Variants in SOD2 observed in about 807,000 individuals in gnomAD.
SOD2 encodes the protein superoxide dismutase 2, also known as superoxide dismutase [Mn], mitochondrial.
A neutral mutation model predicts 27.0 loss-of-function variants in SOD2; 11 were observed. The ratio of observed to expected loss-of-function variants is 0.41; its 90% confidence interval spans 0.26 to 0.67. The LOEUF is 0.67. Ranked by LOEUF, SOD2 falls within the 30% of genes least tolerant of loss-of-function variation. The probability of loss-of-function intolerance (pLI) is 0.34; values close to 1 mark genes in which losing one functional copy is unlikely to be tolerated. For synonymous variants in SOD2, 105 were observed against 103.0 expected (o/e 1.02, Z -0.12); for missense variants, 250 against 274.5 (o/e 0.91, Z 0.63).
rs1393624308 is a variant in SOD2, at chr6:159,682,183, C to T, written c.*310G>A. ...CAATAGAATAGGACTAGAAAGGCAT[C>T]CCTACAAGTCCCCAAAGTATATGGA... On this transcript the variant is annotated 3_prime_UTR_variant, in exon 5 of 5. Coordinates refer to ENST00000538183, the MANE Select transcript of SOD2 (RefSeq NM_000636.4). 1 of 184,962 alleles carries T rather than the reference C, an allele frequency of 5.4e-6. No homozygotes were observed. Among genetic ancestry groups the T allele is most frequent in the Admixed American group, 6.2e-5 (1 of 16,248 alleles). The allele number at this position is 184,962 out of a possible 1,614,324, so 11.5% of individuals were successfully genotyped here. A position where few individuals can be genotyped will look rare whatever the true frequency, so the allele number is the denominator to read the frequency against.
At chr6:159,712,667 C>CT (rs1230619739) in intron 1 of SOD2, 1 of 321,084 alleles carries the variant, frequency 3.1e-6, no homozygotes, top group East Asian at 8.8e-5. Context: ...TCTGATCACC[C>CT]TAACCACCTC....
upstream of SOD2, chr6:159,693,267 T>G: frequency 8.6e-7 from 1 of 1,160,656 alleles, no homozygotes; most frequent in Non-Finnish European, 1.2e-6. Context: ...CCCGCGGGCC[T>G]TAAGAAAGCG....
At position 159,669,877 on chromosome 6, in the gene SOD2, T is replaced by C. The variant is rs989452461; in HGVS notation, c.*12616A>G. The C allele has an allele frequency of 5.3e-5, 8 of 152,112 alleles. No homozygotes were observed. Among genetic ancestry groups the C allele is most frequent in the African/African-American group, 1.9e-4 (8 of 41,408 alleles). 9.4% of individuals were successfully genotyped at this position (152,112 alleles called of 1,614,324 possible). A position where few individuals can be genotyped will look rare whatever the true frequency, so the allele number is the denominator to read the frequency against. ...TTCTTGTAGGCAGCATACAGTCGAG[T>C]CATGATGGTGGTTTTTAATCCATTC... is the stretch of plus-strand genomic sequence containing the variant. On this transcript the variant is annotated 3_prime_UTR_variant, in exon 5 of 5. Transcript: ENST00000538183.
intron 3 of SOD2, among the ~76,000 whole-genome samples, chr6:159,687,254 G>A (rs5746118): frequency 0.22 from 33,770 of 152,006 alleles, 3,991 homozygotes; most frequent in East Asian, 0.4. Flanking sequence ...GGAGGCCAAG[G>A]TGGGTGGATC....
At chr6:159,753,239 G>GT (rs1336958403) in intron 1 of SOD2, 2 of 568,128 alleles carry the variant, frequency 3.5e-6, no homozygotes, top group Non-Finnish European at 6.2e-6. Context: ...AGGTGTAGCT[G>GT]TTTGGGCACT....
At chr6:159,707,047 A>G (rs1408234644) in intron 1 of SOD2, among the ~76,000 whole-genome samples, 1 of 152,134 alleles carries the variant, frequency 6.6e-6, no homozygotes, top group Non-Finnish European at 1.5e-5. Flanking sequence ...GAAGACAGAA[A>G]TAAAGATGTT....
At chr6:159,688,638 C>G (rs113630280) in intron 2 of SOD2, among the ~76,000 whole-genome samples, 23 of 152,262 alleles carry the variant, frequency 1.5e-4, no homozygotes, top group African/African-American at 5.5e-4. Flanking sequence ...TGGGAAATAT[C>G]TCCAAGTCAC....
chr6:159,737,741 C>T (rs1438625417), intron 1 of SOD2, among the ~76,000 whole-genome samples: 2 of 152,180 alleles, frequency 1.3e-5, no homozygotes, highest in Non-Finnish European at 2.9e-5. Flanking sequence ...ATACTCCCGC[C>T]TCAGTCTCCC....
At chr6:159,694,316 T>C (rs966410740), upstream of SOD2, among the ~76,000 whole-genome samples, 6 of 151,960 alleles carry the variant, frequency 3.9e-5, no homozygotes, top group African/African-American at 1.5e-4. Flanking sequence ...TTGGCGGGAG[T>C]TGCCCCTTTA....
chr6:159,713,143 G>A, intron 1 of SOD2: 2 of 1,219,870 alleles, frequency 1.6e-6, no homozygotes, highest in Non-Finnish European at 2.3e-6. Context: ...GCCCTGTGGT[G>A]CTCTGGAAAC....
rs936250483 is a variant in SOD2, at chr6:159,681,227, C to G, written c.*1266G>C. On this transcript the variant is annotated 3_prime_UTR_variant, in exon 5 of 5. Coordinates refer to ENST00000538183, the MANE Select transcript of SOD2 (RefSeq NM_000636.4). Reference sequence around the variant, plus strand: ...AAGGAGAATCTTGAGTTTCCTTCACCGAAAACTCCAGGCACCCAGCTCGCC... The same window carrying G: ...AAGGAGAATCTTGAGTTTCCTTCACGGAAAACTCCAGGCACCCAGCTCGCC... 6.6e-6 allele frequency: 1 copy of G among 152,022 alleles called. No individual in the cohort carries two copies. The highest frequency in any genetic ancestry group is 2.1e-4 in the South Asian group (1 of 4,804). 9.4% of individuals were successfully genotyped at this position (152,022 alleles called of 1,614,324 possible). A position where few individuals can be genotyped will look rare whatever the true frequency, so the allele number is the denominator to read the frequency against.
At position 159,672,082 on chromosome 6, in the gene SOD2, T is replaced by C. The variant is rs1457644039; in HGVS notation, c.*10411A>G. On this transcript the variant is annotated 3_prime_UTR_variant, in exon 5 of 5. Transcript: ENST00000538183. ...AAACGAACAAAGCTTCCAAGAAATATGGGACTATGTGAAAAGACCAAATCT... is the reference window on the plus strand; with the variant it reads ...AAACGAACAAAGCTTCCAAGAAATACGGGACTATGTGAAAAGACCAAATCT... 1 of 152,132 alleles carries C rather than the reference T, an allele frequency of 6.6e-6. No individual in the cohort carries two copies. 9.4% of individuals were successfully genotyped at this position (152,132 alleles called of 1,614,324 possible).
intron 1 of SOD2, chr6:159,742,007 C>G (rs1779284141): frequency 8.7e-6 from 9 of 1,038,594 alleles, no homozygotes; most frequent in Non-Finnish European, 1.3e-5. Flanking sequence ...TTACTAAAAT[C>G]TGTGAGTTTA....
intron 1 of SOD2, among the ~76,000 whole-genome samples, chr6:159,704,505 C>T (rs868669001): frequency 2.0e-5 from 3 of 152,348 alleles, no homozygotes; most frequent in East Asian, 3.9e-4. Flanking sequence ...GAGGGTGCCA[C>T]GCCCATGGAG....
chr6:159,697,604 T>C (rs956089827), upstream of SOD2, among the ~76,000 whole-genome samples: 4 of 152,152 alleles, frequency 2.6e-5, no homozygotes, highest in African/African-American at 9.7e-5. Context: ...AGGGATAAAG[T>C]GGGCATGTGT....
chr6:159,731,431 G>A (rs1003946841), upstream of SOD2, among the ~76,000 whole-genome samples: 2 of 152,172 alleles, frequency 1.3e-5, no homozygotes, highest in Non-Finnish European at 2.9e-5. Context: ...TCGAGTCACT[G>A]CACTCCAGCC....
intron 1 of SOD2, among the ~76,000 whole-genome samples, chr6:159,758,420 TCAGGTGTATTGGATACAACTGACTACTC>T (rs1164075238): frequency 2.6e-5 from 4 of 152,238 alleles, no homozygotes; most frequent in African/African-American, 9.6e-5. Flanking sequence ...CCTTGGCTCC[TCAGGTGTATTGGATACAACTGACTACTC>T]CAGTTTTTGA....
At chr6:159,753,752 C>A in intron 1 of SOD2, 2 of 1,102,032 alleles carry the variant, frequency 1.8e-6, no homozygotes, top group Non-Finnish European at 2.4e-6. Context: ...GTGAGTGAAG[C>A]ATTTTTAGTT....
rs1779794922 is a variant in SOD2, at chr6:159,677,038, C to A, written c.*5455G>T. 6.6e-6 allele frequency: 1 copy of A among 152,166 alleles called. No homozygotes were observed. Among genetic ancestry groups the A allele is most frequent in the Non-Finnish European group, 1.5e-5 (1 of 68,040 alleles). The allele number at this position is 152,166 out of a possible 1,614,324, so 9.4% of individuals were successfully genotyped here. A position where few individuals can be genotyped will look rare whatever the true frequency, so the allele number is the denominator to read the frequency against. ...TGTTAACTTCTGAGCCTTGGGGATA[C>A]CCATATTTACAATATGATAAATACA... On this transcript the variant is annotated 3_prime_UTR_variant, in exon 5 of 5. Transcript: ENST00000538183.
Sources: gnomAD v4.1 joint callset for allele counts (sites outside exome capture counted in the v4.1 genomes callset) on GRCh38, gnomAD v4.1.1 for gene constraint, MANE v1.5 for transcripts, NCBI Gene and HGNC (gene_info 2026-07-23, HGNC 2026-07-21) for gene names.